Variants in SCAMP5 observed in about 807,000 individuals in gnomAD.
SCAMP5 encodes secretory carrier membrane protein 5, also known as secretory carrier-associated membrane protein 5.
In SCAMP5, 7 loss-of-function variants were observed where a neutral mutation model predicts 28.3. The observed-to-expected ratio is 0.25, with a 90% CI of 0.14 to 0.46. The LOEUF is 0.46. Ranked by LOEUF, SCAMP5 falls within the 20% of genes least tolerant of loss-of-function variation. The probability of loss-of-function intolerance (pLI) is 0.99; values close to 1 mark genes in which losing one functional copy is unlikely to be tolerated. For synonymous variants in SCAMP5, 117 were observed against 116.4 expected, an observed-to-expected ratio of 1.00 and a Z score of -0.03; for missense variants, 192 against 312.5, an observed-to-expected ratio of 0.61 and a Z score of 2.91.
At chr15:75,012,655 G>T in intron 2 of SCAMP5, 22 bp from the exon 3 acceptor site, 1 of 1,613,770 alleles carries the variant, frequency 6.2e-7, no homozygotes, top group South Asian at 1.1e-5. Context: ...AGGTGATGTT[G>T]TGCAATGTGT....
At chr15:75,003,670 C>T (rs1013505835) in intron 1 of SCAMP5, among the ~76,000 whole-genome samples, 3 of 151,966 alleles carry the variant, frequency 2.0e-5, no homozygotes, top group African/African-American at 7.3e-5. Context: ...ATTAGCTGGG[C>T]ATGGTGGCGC....
intron 4 of SCAMP5, chr15:75,017,628 T>C (rs892596027): frequency 6.6e-5 from 39 of 592,094 alleles, no homozygotes; most frequent in African/African-American, 5.0e-4. Context: ...CGTCCATCCA[T>C]GTACCAGTGG....
chr15:75,016,350 G>A (rs1311781319), intron 3 of SCAMP5, among the ~76,000 whole-genome samples: 2 of 152,118 alleles, frequency 1.3e-5, no homozygotes, highest in African/African-American at 2.4e-5. Flanking sequence ...ACTCCTCTGC[G>A]TGTGTATGTG....
chr15:75,014,082 T>C (rs980088122), intron 3 of SCAMP5, among the ~76,000 whole-genome samples: 1 of 152,126 alleles, frequency 6.6e-6, no homozygotes, highest in Non-Finnish European at 1.5e-5. Flanking sequence ...ATACCCGCAA[T>C]GTAACTGCAG....
intron 2 of SCAMP5, 45 bp downstream of exon 2, chr15:75,011,891 A>G (rs1365374941): frequency 2.6e-6 from 4 of 1,559,534 alleles, no homozygotes; most frequent in Admixed American, 3.4e-5. Context: ...GACAGTGAGC[A>G]TAGCGTGGAT....
At chr15:75,015,616 A>G (rs1448677865) in intron 3 of SCAMP5, among the ~76,000 whole-genome samples, 2 of 152,174 alleles carry the variant, frequency 1.3e-5, no homozygotes, top group Non-Finnish European at 2.9e-5. Context: ...AGGAGCTGGC[A>G]TGAGTGTTAT....
At chr15:75,011,681 G>A in intron 1 of SCAMP5, 111 bp from the exon 2 acceptor site, 1 of 482,388 alleles carries the variant, frequency 2.1e-6, no homozygotes, top group Non-Finnish European at 3.8e-6. Context: ...CACTGTGGGA[G>A]TATGTGCTGG....
At position 75,004,233 on chromosome 15, in the gene SCAMP5, C is replaced by T. The variant is rs2065735492; in HGVS notation, c.-48-7559C>T. Among the ~76,000 whole-genome samples the T allele has an allele frequency of 2.0e-5, 3 of 152,134 alleles. No individual in the cohort carries two copies. In the East Asian group the frequency reaches 5.8e-4, roughly 29 times the overall value. On this transcript the variant is annotated intron_variant, in intron 1 of 6. Coordinates refer to ENST00000425597, the MANE Select transcript of SCAMP5 (RefSeq NM_138967.4). ...TTTACTTTTTAGAGACAGGATCTTGCGTTATTGCTCACTGAAGGCTCGAAC... is the reference window on the plus strand; with the variant it reads ...TTTACTTTTTAGAGACAGGATCTTGTGTTATTGCTCACTGAAGGCTCGAAC...
intron 4 of SCAMP5, 90 bp downstream of exon 4, chr15:75,016,839 T>G (rs2065863998): frequency 8.1e-7 from 1 of 1,239,034 alleles, no homozygotes; most frequent in Non-Finnish European, 1.1e-6. Flanking sequence ...CTTTTTTTTT[T>G]TTTTTACCCT....
rs777370534 is a variant in SCAMP5, at chr15:75,018,714, A to G, written c.514-75A>G. ...AGGGAGCACTGTTTTTTTTTTACAG[A>G]TGGGTCCCATCTATTTCCTGGATGG... is the stretch of plus-strand genomic sequence containing the variant. On this transcript the variant is annotated intron_variant, in intron 6 of 6. Transcript: ENST00000425597. This position sits in a 1 kb window ranked among gnomAD's most constrained non-coding sequence, Gnocchi z 5.6. 14 of 1,165,696 alleles carry G rather than the reference A, an allele frequency of 1.2e-5. No homozygotes were observed. The highest frequency in any genetic ancestry group is 1.8e-5 in the Non-Finnish European group (14 of 787,024). 72.2% of individuals were successfully genotyped at this position (1,165,696 alleles called of 1,614,324 possible). A position where few individuals can be genotyped will look rare whatever the true frequency, so the allele number is the denominator to read the frequency against.
chr15:75,004,609 AG>A (rs763983082), intron 1 of SCAMP5, among the ~76,000 whole-genome samples: 11 of 152,140 alleles, frequency 7.2e-5, no homozygotes, highest in Non-Finnish European at 1.6e-4. Context: ...ACACACCTGT[AG>A]TCCCAGCTAC....
In SCAMP5 at chr15:75,018,698, T is replaced by A. The variant is rs561912920; in HGVS notation, c.514-91T>A. On this transcript the variant is annotated intron_variant, in intron 6 of 6. Coordinates refer to ENST00000425597, the MANE Select transcript of SCAMP5 (RefSeq NM_138967.4). The surrounding 1 kb of genome is among the most constrained non-coding windows in gnomAD (Gnocchi z 5.6). ...AGAGGCATTCATGGGGAGGGAGCAC[T>A]GTTTTTTTTTTACAGATGGGTCCCA... The A allele has an allele frequency of 3.1e-5, 33 of 1,080,832 alleles. No individual in the cohort carries two copies. Among genetic ancestry groups the A allele is most frequent in the Non-Finnish European group, 4.6e-5 (33 of 713,974 alleles). 67.0% of individuals were successfully genotyped at this position (1,080,832 alleles called of 1,614,324 possible). A position where few individuals can be genotyped will look rare whatever the true frequency, so the allele number is the denominator to read the frequency against.
At chr15:75,005,068 G>C (rs1198601121) in intron 1 of SCAMP5, among the ~76,000 whole-genome samples, 1 of 151,752 alleles carries the variant, frequency 6.6e-6, no homozygotes, top group Non-Finnish European at 1.5e-5. Flanking sequence ...CCAGCTACTT[G>C]GGAGGCTGAG....
intron 1 of SCAMP5, among the ~76,000 whole-genome samples, chr15:75,005,048 G>A (rs761881206): frequency 3.3e-5 from 5 of 151,912 alleles, no homozygotes; most frequent in Non-Finnish European, 5.9e-5. Flanking sequence ...GGTGGCGTGC[G>A]CCTGTAGTCC....
chr15:75,012,020 A>T (rs2065816071), intron 2 of SCAMP5, among the ~76,000 whole-genome samples, 174 bp downstream of exon 2: 1 of 152,168 alleles, frequency 6.6e-6, no homozygotes, highest in Admixed American at 6.5e-5. Context: ...CTTCAACATG[A>T]CATTGTCTAG....
chr15:75,017,396 T>C (rs1018471249), intron 4 of SCAMP5, among the ~76,000 whole-genome samples: 1 of 152,202 alleles, frequency 6.6e-6, no homozygotes, highest in Non-Finnish European at 1.5e-5. Flanking sequence ...TTAAATCTCT[T>C]TGTGCCAATC....
At chr15:75,004,184 G>A (rs757915762) in intron 1 of SCAMP5, among the ~76,000 whole-genome samples, 21 of 151,976 alleles carry the variant, frequency 1.4e-4, no homozygotes, top group Non-Finnish European at 2.4e-4. Context: ...TATTACAGGC[G>A]TGAGCCACCA....
chr15:75,000,737 C>T (rs1431992139), intron 1 of SCAMP5, among the ~76,000 whole-genome samples: 2 of 149,788 alleles, frequency 1.3e-5, no homozygotes, highest in African/African-American at 2.5e-5. Context: ...CAGTGGCTCC[C>T]GTGACACTGA....
At chr15:75,000,848 G>A (rs1438728885) in intron 1 of SCAMP5, among the ~76,000 whole-genome samples, 1 of 152,006 alleles carries the variant, frequency 6.6e-6, no homozygotes, top group African/African-American at 2.4e-5. Flanking sequence ...CCTTCACTTT[G>A]AGATTCATCC....
Sources: gnomAD v4.1 joint callset for allele counts (sites outside exome capture counted in the v4.1 genomes callset) on GRCh38, gnomAD v4.1.1 for gene constraint, Gnocchi (gnomAD v3.1) non-coding constraint, MANE v1.5 for transcripts, NCBI Gene and HGNC (gene_info 2026-07-23, HGNC 2026-07-21) for gene names.